The following DLG1 variants were observed in gnomAD, a reference collection of about 807,000 sequenced individuals.
The protein encoded by DLG1 is disks large homolog 1.
DLG1 carries 42 observed loss-of-function variants against 123.4 expected under a neutral mutation model. The observed-to-expected ratio is 0.34, with a 90% CI of 0.27 to 0.44. The LOEUF is 0.44. Ranked by LOEUF, DLG1 falls within the 20% of genes least tolerant of loss-of-function variation. DLG1 has a pLI of 1.00. For missense variants in DLG1, 942 were observed against 1,082.6 expected (o/e 0.87, Z 1.82); for synonymous variants, 317 against 356.2 (o/e 0.89, Z 1.24).
At chr3:197,108,405 C>T (rs1767819393) in intron 13 of DLG1, among the ~76,000 whole-genome samples, 1 of 152,048 alleles carries the variant, frequency 6.6e-6, no homozygotes, top group African/African-American at 2.4e-5. Flanking sequence ...GCAGAATGTA[C>T]CAGTGCAGCC....
intron 15 of DLG1, among the ~76,000 whole-genome samples, chr3:197,088,492 T>C (rs868030016): frequency 4.6e-5 from 7 of 152,154 alleles, no homozygotes; most frequent in African/African-American, 1.7e-4. Context: ...CCCACACACC[T>C]TTTCGCAGGA....
chr3:197,083,500 A>G (rs1752402246), intron 16 of DLG1, among the ~76,000 whole-genome samples: 1 of 152,216 alleles, frequency 6.6e-6, no homozygotes, highest in African/African-American at 2.4e-5. Flanking sequence ...TCTCAGGGGA[A>G]TTCTGAAATG....
intron 6 of DLG1, among the ~76,000 whole-genome samples, chr3:197,149,506 C>G (rs1443854007): frequency 6.6e-6 from 1 of 152,038 alleles, no homozygotes; most frequent in East Asian, 1.9e-4. Flanking sequence ...ATCATAATTT[C>G]TGAATTAAAT....
At chr3:197,150,303 G>A (rs557645845) in intron 5 of DLG1, among the ~76,000 whole-genome samples, 5 of 151,940 alleles carry the variant, frequency 3.3e-5, no homozygotes, top group East Asian at 3.9e-4. Flanking sequence ...GTAAAAACCC[G>A]ATTATTTTCA....
chr3:197,056,263 T>C (rs1476572782), intron 23 of DLG1, among the ~76,000 whole-genome samples: 2 of 152,020 alleles, frequency 1.3e-5, no homozygotes, highest in Non-Finnish European at 2.9e-5. Context: ...TCTAGCTCCA[T>C]AACTGATTAG....
chr3:197,102,835 G>C (rs9854566), intron 14 of DLG1, among the ~76,000 whole-genome samples: 19,822 of 152,216 alleles, frequency 0.13, 1,811 homozygotes, highest in African/African-American at 0.25. Flanking sequence ...TCCAGCCTGG[G>C]CAAGAGAGTG....
intron 6 of DLG1, among the ~76,000 whole-genome samples, chr3:197,147,129 A>C (rs1791188883): frequency 1.3e-5 from 2 of 152,202 alleles, no homozygotes; most frequent in Non-Finnish European, 2.9e-5. Flanking sequence ...ATCATAAAAA[A>C]ATAAAAAAAA....
chr3:197,066,321 G>C (rs527896266), intron 20 of DLG1, among the ~76,000 whole-genome samples: 1 of 152,002 alleles, frequency 6.6e-6, no homozygotes, highest in African/African-American at 2.4e-5. Flanking sequence ...ATGAAAAGAA[G>C]GTCATAAATA....
At chr3:197,150,794 C>G (rs1210374947) in intron 5 of DLG1, among the ~76,000 whole-genome samples, 1 of 152,034 alleles carries the variant, frequency 6.6e-6, no homozygotes, top group East Asian at 1.9e-4. Flanking sequence ...ACATTATTTT[C>G]AGCACAGTAC....
intron 5 of DLG1, among the ~76,000 whole-genome samples, chr3:197,162,914 A>T (rs12485643): frequency 8.5e-5 from 13 of 152,206 alleles, no homozygotes; most frequent in Admixed American, 7.9e-4. Flanking sequence ...GTGAAAAGAC[A>T]GCCTACACAA....
chr3:197,120,456 C>G (rs950346230), intron 11 of DLG1, among the ~76,000 whole-genome samples: 2 of 152,116 alleles, frequency 1.3e-5, no homozygotes, highest in African/African-American at 4.8e-5. Flanking sequence ...ACATAAGACA[C>G]TTGAATTATT....
intron 23 of DLG1, among the ~76,000 whole-genome samples, chr3:197,054,199 A>G (rs1318542853): frequency 6.6e-6 from 1 of 152,212 alleles, no homozygotes; most frequent in Non-Finnish European, 1.5e-5. Context: ...TGACACTTTG[A>G]TTATAATGTG....
intron 15 of DLG1, among the ~76,000 whole-genome samples, 192 bp from the exon 16 acceptor site, chr3:197,085,948 CTGTAT>C (rs1578846819): frequency 6.6e-6 from 1 of 150,844 alleles, no homozygotes; most frequent in Non-Finnish European, 1.5e-5. Context: ...TATGAAAATA[CTGTAT>C]TGTATTATTT....
At chr3:197,058,919 T>G (rs186280482) in intron 23 of DLG1, among the ~76,000 whole-genome samples, 190 of 152,354 alleles carry the variant, frequency 1.2e-3, no homozygotes, top group African/African-American at 4.4e-3. Context: ...TTTACTTTTA[T>G]GAAATGTCAC....
intron 4 of DLG1, among the ~76,000 whole-genome samples, chr3:197,227,543 A>T (rs1008118018): frequency 6.6e-6 from 1 of 152,220 alleles, no homozygotes; most frequent in Admixed American, 6.5e-5. Context: ...ATCAATTCAT[A>T]TATTTGTACT....
intron 8 of DLG1, among the ~76,000 whole-genome samples, chr3:197,139,606 T>C (rs1212409200): frequency 1.3e-5 from 2 of 152,190 alleles, no homozygotes; most frequent in African/African-American, 4.8e-5. Context: ...CAGAGACAAA[T>C]GTTATTTTCA....
intron 5 of DLG1, among the ~76,000 whole-genome samples, chr3:197,168,370 A>G (rs1390494274): frequency 2.6e-5 from 4 of 152,212 alleles, no homozygotes; most frequent in Non-Finnish European, 4.4e-5. Flanking sequence ...GTAACAAACA[A>G]TTACAGAACA....
chr3:197,149,464 T>C (rs964476807), intron 6 of DLG1, among the ~76,000 whole-genome samples: 3 of 152,164 alleles, frequency 2.0e-5, no homozygotes, highest in African/African-American at 2.4e-5. Context: ...AAGCAACCAA[T>C]GGTCAGAGAC....
intron 17 of DLG1, among the ~76,000 whole-genome samples, chr3:197,079,432 A>G (rs1356438348): frequency 6.6e-6 from 1 of 152,128 alleles, no homozygotes; most frequent in Non-Finnish European, 1.5e-5. Context: ...TGGCAAGCGT[A>G]TTTTCACCCC....
Sources: gnomAD v4.1 joint callset for allele counts (sites outside exome capture counted in the v4.1 genomes callset) on GRCh38, gnomAD v4.1.1 for gene constraint, MANE v1.5 for transcripts, NCBI Gene and HGNC (gene_info 2026-07-23, HGNC 2026-07-21) for gene names.